Variants in C10orf90 observed in about 807,000 individuals in gnomAD.
C10orf90 encodes the protein chromosome 10 open reading frame 90, also known as (E2-independent) E3 ubiquitin-conjugating enzyme FATS.
A neutral mutation model predicts 62.5 loss-of-function variants in C10orf90; 56 were observed. That is an observed-to-expected ratio of 0.90 (90% CI 0.72 to 1.12). The LOEUF (loss-of-function observed/expected upper bound fraction) is 1.12. Ranked by LOEUF, C10orf90 falls within the 50% of genes most tolerant of loss-of-function variation. The pLI is 0.00. For synonymous variants in C10orf90, 386 were observed against 340.4 expected, an observed-to-expected ratio of 1.13 and a Z score of -1.47; for missense variants, 970 against 880.4, an observed-to-expected ratio of 1.10 and a Z score of -1.29.
intron 2 of C10orf90, among the ~76,000 whole-genome samples, chr10:126,596,545 A>T (rs1845090451): frequency 6.6e-6 from 1 of 152,168 alleles, no homozygotes; most frequent in Non-Finnish European, 1.5e-5. Flanking sequence ...TAAGTCAAAA[A>T]TGCATTTAAT....
intron 2 of C10orf90, among the ~76,000 whole-genome samples, chr10:126,644,957 A>C (rs1846137291): frequency 6.6e-6 from 1 of 152,218 alleles, no homozygotes; most frequent in Admixed American, 6.5e-5. Flanking sequence ...CTAAGTTTTC[A>C]AAGAGTTCAA....
At chr10:126,567,771 G>A (rs1163659119) in intron 2 of C10orf90, among the ~76,000 whole-genome samples, 1 of 152,176 alleles carries the variant, frequency 6.6e-6, no homozygotes, top group Non-Finnish European at 1.5e-5. Context: ...GACTGGAGCA[G>A]GTGGAGAAGG....
At chr10:126,639,008 A>G (rs1047037085) in intron 2 of C10orf90, among the ~76,000 whole-genome samples, 1 of 152,254 alleles carries the variant, frequency 6.6e-6, no homozygotes, top group African/African-American at 2.4e-5. Flanking sequence ...TACGCTGAGT[A>G]ACTCTTAGAC....
At chr10:126,625,284 A>G (rs1050904244) in intron 2 of C10orf90, among the ~76,000 whole-genome samples, 12 of 152,200 alleles carry the variant, frequency 7.9e-5, no homozygotes, top group Admixed American at 7.2e-4. Context: ...CCTGCAAGAC[A>G]CTCATCACAC....
chr10:126,536,284 G>A (rs1004182419), intron 2 of C10orf90, among the ~76,000 whole-genome samples: 3 of 152,206 alleles, frequency 2.0e-5, no homozygotes, highest in Non-Finnish European at 4.4e-5. Context: ...AGGAGGGTAA[G>A]GAAGCATCTC....
intron 2 of C10orf90, among the ~76,000 whole-genome samples, chr10:126,573,931 C>T (rs899685840): frequency 6.6e-6 from 1 of 152,140 alleles, no homozygotes; most frequent in Admixed American, 6.5e-5. Flanking sequence ...TAGGCCCAGT[C>T]CCCTGCTCTG....
rs536335578 is a variant in C10orf90, at chr10:126,631,530, C to T, written c.313+15035G>A. Reference sequence around the variant, plus strand: ...TGCTTGTTTGTCCACTTGATGCTTGCCTTTCCTGAAGCACTAGAACATAGA... The same window carrying T: ...TGCTTGTTTGTCCACTTGATGCTTGTCTTTCCTGAAGCACTAGAACATAGA... On this transcript the variant is annotated intron_variant, in intron 2 of 9. Transcript: ENST00000488181. 2.6e-5 allele frequency among the ~76,000 whole-genome samples: 4 copies of T among 152,166 alleles called. 1 individual carries two copies. Among genetic ancestry groups the T allele is most frequent in the Middle Eastern group, 3.4e-3 (1 of 294 alleles).
At chr10:126,655,834 C>CAAAAAAAAAAAAAAAAAAAAAA (rs1195360598) in intron 1 of C10orf90, among the ~76,000 whole-genome samples, 3 of 126,506 alleles carry the variant, frequency 2.4e-5, no homozygotes, top group East Asian at 2.3e-4. Flanking sequence ...CAAAACAAAA[C>CAAAAAAAAAAAAAAAAAAAAAA]AAAACAAAAA....
chr10:126,569,313 G>A (rs4531372), intron 2 of C10orf90, among the ~76,000 whole-genome samples: 50,693 of 151,992 alleles, frequency 0.33, 9,765 homozygotes, highest in Non-Finnish European at 0.43. Flanking sequence ...GGGGCCCCAC[G>A]AGATTCCTGC....
At position 126,446,091 on chromosome 10, in the gene C10orf90, C is replaced by G. The variant is rs1461985084; in HGVS notation, c.2188+12949G>C. Among the ~76,000 whole-genome samples, 3 of 151,800 alleles carry G rather than the reference C, an allele frequency of 2.0e-5. No individual in the cohort carries two copies. The East Asian group carries it at 5.8e-4, about 30-fold the overall frequency. ...GAGTGATGGGTACATCAAAATCTCA[C>G]AAATCACCGCTAAAGTATGTACTCA... On this transcript the variant is annotated intron_variant, in intron 7 of 9. Transcript: ENST00000488181.
intron 2 of C10orf90, among the ~76,000 whole-genome samples, chr10:126,603,203 T>C (rs1445354701): frequency 6.6e-6 from 1 of 151,924 alleles, no homozygotes; most frequent in Non-Finnish European, 1.5e-5. Context: ...TAGTAAGAGG[T>C]TTAATTGACT....
At chr10:126,467,318 T>G (rs763909922) in intron 4 of C10orf90, among the ~76,000 whole-genome samples, 24 of 152,194 alleles carry the variant, frequency 1.6e-4, no homozygotes, top group Admixed American at 3.3e-4. Context: ...ATTGATCAGG[T>G]CTCATTTCAT....
chr10:126,504,507 C>A lies in C10orf90; in HGVS notation c.984G>T (p.Glu328Asp), dbSNP rs1357933121. 4 of 1,614,120 alleles carry A rather than the reference C, an allele frequency of 2.5e-6. No homozygotes were observed. The highest frequency in any genetic ancestry group is 2.5e-6 in the Non-Finnish European group (3 of 1,180,058). ...KYWVTHADDK[E>D]TSFSPDTPLS... ...GTGGGGTGTCTGGAGAAAAACTGGT[C>A]TCTTTGTCGTCTGCATGGGTGACCC... The change falls in exon 4 of 10, where the codon GAG (glutamate) becomes GAT (aspartate). Residue 328 changes from glutamate (E) to aspartate (D), a missense_variant. Transcript: ENST00000488181. This position sits in a 1 kb window ranked among gnomAD's most constrained non-coding sequence, Gnocchi z 4.1.
rs554019626 is a variant in C10orf90, at chr10:126,499,780, C to A, written c.1534+4177G>T. On this transcript the variant is annotated intron_variant, in intron 4 of 9. Transcript: ENST00000488181. The stretch of plus-strand genomic sequence containing the variant: ...CTGAGGGAGTTGCAACATGGGCCCA[C>A]CATAGAACGCGAACGCAAATAGATG... 2.6e-5 allele frequency among the ~76,000 whole-genome samples: 4 copies of A among 152,284 alleles called. No individual in the cohort carries two copies. The South Asian group carries it at 6.2e-4, about 24-fold the overall frequency.
intron 2 of C10orf90, among the ~76,000 whole-genome samples, chr10:126,549,714 G>A (rs1335182729): frequency 7.0e-6 from 1 of 143,848 alleles, no homozygotes; most frequent in East Asian, 2.1e-4. Context: ...ACCTGCATCT[G>A]AATGTTTATA....
intron 4 of C10orf90, among the ~76,000 whole-genome samples, chr10:126,466,373 C>CACAA (rs991238005): frequency 1.5e-4 from 7 of 45,860 alleles, no homozygotes; most frequent in African/African-American, 1.0e-3. Context: ...CACACACAAA[C>CACAA]ACACACACAC....
chr10:126,642,780 C>T (rs909761063), intron 2 of C10orf90, among the ~76,000 whole-genome samples: 9 of 152,110 alleles, frequency 5.9e-5, no homozygotes, highest in African/African-American at 1.7e-4. Flanking sequence ...AGCTGCTTCG[C>T]GAGCATCTGG....
chr10:126,544,706 T>G (rs1864451928), intron 2 of C10orf90, among the ~76,000 whole-genome samples: 1 of 152,142 alleles, frequency 6.6e-6, no homozygotes, highest in Non-Finnish European at 1.5e-5. Context: ...GCTGCAGAAT[T>G]GATTTTTCTT....
At chr10:126,562,965 T>C (rs1431467918) in intron 2 of C10orf90, among the ~76,000 whole-genome samples, 1 of 152,184 alleles carries the variant, frequency 6.6e-6, no homozygotes, top group Admixed American at 6.5e-5. Context: ...CCACCCACTC[T>C]CATGGGCTGG....
Sources: gnomAD v4.1 joint callset for allele counts (sites outside exome capture counted in the v4.1 genomes callset) on GRCh38, gnomAD v4.1.1 for gene constraint, Gnocchi (gnomAD v3.1) non-coding constraint, MANE v1.5 for transcripts, NCBI Gene and HGNC (gene_info 2026-07-23, HGNC 2026-07-21) for gene names.